Variants in RBM6 observed in about 807,000 individuals in gnomAD.
RBM6 encodes the protein RNA-binding protein 6.
A neutral mutation model predicts 140.4 loss-of-function variants in RBM6; 23 were observed. That is an observed-to-expected ratio of 0.16 (90% CI 0.12 to 0.23). The LOEUF is 0.23. Among genes scored for constraint, RBM6 ranks in the 10% least tolerant of loss-of-function variants. The pLI, the probability that RBM6 is intolerant of heterozygous loss-of-function variation, is 1.00. For missense variants in RBM6, 1,139 were observed against 1,386.7 expected (o/e 0.82, Z 2.84); for synonymous variants, 439 against 475.6 (o/e 0.92, Z 1.00).
chr3:50,049,923 A>C (rs1296470603), intron 7 of RBM6, among the ~76,000 whole-genome samples: 6 of 151,690 alleles, frequency 4.0e-5, no homozygotes, highest in African/African-American at 1.2e-4. Flanking sequence ...CCCTGGCTCA[A>C]GTCATCCTCT....
chr3:50,028,037 CTG>C (rs1370671204), intron 6 of RBM6, among the ~76,000 whole-genome samples: 1 of 148,942 alleles, frequency 6.7e-6, no homozygotes, highest in East Asian at 2.0e-4. Context: ...CTCTCTTGGG[CTG>C]TGTTTGGTTT....
At chr3:49,972,021 A>C (rs1575584288) in intron 3 of RBM6, 38 bp from the exon 4 acceptor site, 1 of 1,444,714 alleles carries the variant, frequency 6.9e-7, no homozygotes, top group African/African-American at 1.4e-5. Flanking sequence ...TGTGCAGTAA[A>C]GTATATTTGT....
chr3:50,063,936 CT>C (rs2090031325), intron 15 of RBM6, among the ~76,000 whole-genome samples: 1 of 151,690 alleles, frequency 6.6e-6, no homozygotes, highest in East Asian at 1.9e-4. Context: ...CTTTTTTTCC[CT>C]TTTTTTTCTT....
In RBM6 at chr3:50,058,344, TC is replaced by T. The variant is rs2089798941; in HGVS notation, c.1970-57del. The T allele has an allele frequency of 2.6e-6, 4 of 1,527,308 alleles. No individual in the cohort carries two copies. The African/African-American group carries it at 5.5e-5, about 21-fold the overall frequency. 94.6% of individuals were successfully genotyped at this position (1,527,308 alleles called of 1,614,324 possible). A position where few individuals can be genotyped will look rare whatever the true frequency, so the allele number is the denominator to read the frequency against. On this transcript the variant is annotated intron_variant, in intron 9 of 20. Coordinates refer to ENST00000266022, the MANE Select transcript of RBM6 (RefSeq NM_005777.3). Reference sequence around the variant, plus strand: ...AAATGACAGTCAGATTCTTGGGACTTCAAAAATTTATCTTTCTCTCCCTTGT... The same window carrying T: ...AAATGACAGTCAGATTCTTGGGACTTAAAAATTTATCTTTCTCTCCCTTGT...
intron 1 of RBM6, among the ~76,000 whole-genome samples, chr3:49,961,053 A>C (rs932452421): frequency 4.0e-5 from 6 of 151,714 alleles, no homozygotes; most frequent in Admixed American, 2.6e-4. Context: ...CTGAGACTAC[A>C]CATAGTCATC....
intron 6 of RBM6, among the ~76,000 whole-genome samples, chr3:50,024,808 C>G (rs2087708146): frequency 6.6e-6 from 1 of 151,980 alleles, no homozygotes; most frequent in Admixed American, 6.6e-5. Context: ...AAAAAATTAG[C>G]TGGGCGTGGT....
At position 50,036,823 on chromosome 3, in the gene RBM6, C is replaced by T. The variant is rs538973559; in HGVS notation, c.1558-11422C>T. Among the ~76,000 whole-genome samples the T allele has an allele frequency of 4.6e-5, 7 of 152,166 alleles. No homozygotes were observed. The East Asian group carries it at 7.7e-4, about 17-fold the overall frequency. ...TGGAGATGGGAGTCTTGCTCTGTCG[C>T]GAGGCTAGAGTGCAGTGGCGCGATC... On this transcript the variant is annotated intron_variant, in intron 6 of 20. Transcript: ENST00000266022.
chr3:50,010,161 A>G lies in RBM6; in HGVS notation c.1557+10648A>G, dbSNP rs186115856. Among the ~76,000 whole-genome samples the G allele has an allele frequency of 2.6e-5, 4 of 152,310 alleles. No individual in the cohort carries two copies. The East Asian group carries it at 7.7e-4, about 29-fold the overall frequency. ...CTCGGCCTCCCAAAGTGCTGGGATT[A>G]CAGGCGTGAGTGATGGCACCCAGCC... On this transcript the variant is annotated intron_variant, in intron 6 of 20. Coordinates refer to ENST00000266022, the MANE Select transcript of RBM6 (RefSeq NM_005777.3).
Position 49,968,685 on chromosome 3 carries a change from C to G in RBM6, c.1260C>G (p.Gly420=). ...DHRLPGSQMF[G]YGQSKSFPEG... ...GGCTGCCAGGAAGCCAGATGTTTGG[C>G]TATGGCCAGAGCAAGTCTTTTCCAG... Residue 420 remains glycine, a synonymous_variant, in exon 3 of 21, where the codon GGC becomes GGG. Transcript: ENST00000266022. The G allele has an allele frequency of 6.2e-7, 1 of 1,606,854 alleles. No individual in the cohort carries two copies. The highest frequency in any genetic ancestry group is 8.5e-7 in the Non-Finnish European group (1 of 1,176,282).
chr3:50,071,851 C>A (rs942937031), intron 19 of RBM6, among the ~76,000 whole-genome samples: 3 of 144,796 alleles, frequency 2.1e-5, no homozygotes, highest in African/African-American at 7.7e-5. Flanking sequence ...TTTGGGAGGC[C>A]GAGGCGGGTG....
Position 50,043,565 on chromosome 3 carries a change from T to TAC in RBM6, c.1558-4674_1558-4673dup, listed in dbSNP as rs545250093. On this transcript the variant is annotated intron_variant, in intron 6 of 20. Coordinates refer to ENST00000266022, the MANE Select transcript of RBM6 (RefSeq NM_005777.3). ...ACATACATACATACATATATGTATGTACACACATATATATATATGGCCCCT... is the reference window on the plus strand; with the variant it reads ...ACATACATACATACATATATGTATGTACACACACATATATATATATGGCCCCT... 3.6e-3 allele frequency among the ~76,000 whole-genome samples: 542 copies of TAC among 151,764 alleles called. 4 individuals are homozygous for TAC. The highest frequency in any genetic ancestry group is 6.0e-3 in the Non-Finnish European group (410 of 67,918).
At chr3:50,050,649 C>A (rs1210213587) in intron 7 of RBM6, among the ~76,000 whole-genome samples, 1 of 152,158 alleles carries the variant, frequency 6.6e-6, no homozygotes, top group Non-Finnish European at 1.5e-5. Context: ...TATTAGCAAA[C>A]CTTTTCATAG....
intron 7 of RBM6, among the ~76,000 whole-genome samples, chr3:50,050,801 T>G (rs2089434531): frequency 6.6e-6 from 1 of 152,194 alleles, no homozygotes; most frequent in African/African-American, 2.4e-5. Flanking sequence ...GGTTTTGATT[T>G]GCATTTTCCT....
At chr3:49,965,695 A>G (rs2084481884) in intron 2 of RBM6, among the ~76,000 whole-genome samples, 3 of 151,768 alleles carry the variant, frequency 2.0e-5, no homozygotes, top group African/African-American at 7.3e-5. Context: ...AAGAACATCT[A>G]AACTTGCTCC....
chr3:50,021,352 A>T (rs964451711), intron 6 of RBM6, among the ~76,000 whole-genome samples: 5 of 152,206 alleles, frequency 3.3e-5, no homozygotes, highest in Non-Finnish European at 7.3e-5. Flanking sequence ...CATTAAATAC[A>T]TTTAAGGCTG....
chr3:50,000,759 A>G (rs2086289310), intron 6 of RBM6, among the ~76,000 whole-genome samples: 1 of 152,142 alleles, frequency 6.6e-6, no homozygotes, highest in Non-Finnish European at 1.5e-5. Flanking sequence ...AGAGAAGAGT[A>G]GTTATTAGAT....
Position 50,066,695 on chromosome 3 carries a change from T to G in RBM6, c.2943+193T>G, listed in dbSNP as rs895701777. 2.6e-5 allele frequency among the ~76,000 whole-genome samples: 4 copies of G among 152,092 alleles called. No individual in the cohort carries two copies. Among genetic ancestry groups the G allele is most frequent in the African/African-American group, 7.2e-5 (3 of 41,506 alleles). ...TACAAAAAATTAGCCAGGTGTGGTGTTGTGTGCCTGTAGTCCCAGCCACTC... is the reference window on the plus strand; with the variant it reads ...TACAAAAAATTAGCCAGGTGTGGTGGTGTGTGCCTGTAGTCCCAGCCACTC... On this transcript the variant is annotated intron_variant, in intron 17 of 20. Coordinates refer to ENST00000266022, the MANE Select transcript of RBM6 (RefSeq NM_005777.3).
chr3:50,033,448 T>A (rs1008834847), intron 6 of RBM6, among the ~76,000 whole-genome samples: 10 of 152,074 alleles, frequency 6.6e-5, no homozygotes, highest in Non-Finnish European at 1.3e-4. Flanking sequence ...AAATAAAATA[T>A]AATAAAAATG....
rs542803234 is a variant in RBM6 at position 50,028,167 on chromosome 3, T to G, written c.1558-20078T>G. ...GCATATCAAGGGCTTGGTTTGCAGT[T>G]GACAGTTGAATAGCAGTCTTCTTCC... On this transcript the variant is annotated intron_variant, in intron 6 of 20. Transcript: ENST00000266022. Among the ~76,000 whole-genome samples, 13 of 152,290 alleles carry G rather than the reference T, an allele frequency of 8.5e-5. No homozygotes were observed. The South Asian group carries it at 2.1e-3, about 24-fold the overall frequency.
Sources: gnomAD v4.1 joint callset for allele counts (sites outside exome capture counted in the v4.1 genomes callset) on GRCh38, gnomAD v4.1.1 for gene constraint, MANE v1.5 for transcripts, NCBI Gene and HGNC (gene_info 2026-07-23, HGNC 2026-07-21) for gene names.